Variants in STK32A observed in about 807,000 individuals in gnomAD.
STK32A encodes serine/threonine-protein kinase 32A.
A neutral mutation model predicts 53.2 loss-of-function variants in STK32A; 41 were observed. The ratio of observed to expected loss-of-function variants is 0.77; its 90% CI spans 0.60 to 1.00. The LOEUF (loss-of-function observed/expected upper bound fraction) is 1.00, where lower values mean the gene tolerates loss of function less well. Among genes scored for constraint, STK32A ranks in the 50% least tolerant of loss-of-function variants. STK32A has a pLI of 0.00. For synonymous variants in STK32A, 166 were observed against 162.8 expected (o/e 1.02, Z -0.15); for missense variants, 458 against 485.8 (o/e 0.94, Z 0.54).
intron 2 of STK32A, among the ~76,000 whole-genome samples, chr5:147,274,209 G>T (rs114936475): frequency 3.9e-5 from 6 of 152,180 alleles, no homozygotes. Context: ...AGACCTGTGC[G>T]AAGCAGGACT....
At chr5:147,367,614 G>C (rs762715442) in intron 8 of STK32A, among the ~76,000 whole-genome samples, 7 of 152,124 alleles carry the variant, frequency 4.6e-5, no homozygotes, top group Non-Finnish European at 1.0e-4. Context: ...GTGCTCAGCG[G>C]GGGACGTTTT....
chr5:147,363,759 T>C (rs1230441379), intron 8 of STK32A, among the ~76,000 whole-genome samples: 1 of 152,250 alleles, frequency 6.6e-6, no homozygotes, highest in East Asian at 1.9e-4. Flanking sequence ...TCTAGTGTGC[T>C]CTTCAGAACA....
chr5:147,365,138 C>A (rs532849516), intron 8 of STK32A, among the ~76,000 whole-genome samples: 1 of 152,208 alleles, frequency 6.6e-6, no homozygotes, highest in South Asian at 2.1e-4. Context: ...TGCCATCTCC[C>A]AAGTAATTAA....
intron 5 of STK32A, among the ~76,000 whole-genome samples, chr5:147,341,121 C>T (rs1755381618): frequency 6.6e-6 from 1 of 152,176 alleles, no homozygotes; most frequent in South Asian, 2.1e-4. Context: ...CTCATAAATT[C>T]AGGCCAAGAA....
intron 4 of STK32A, among the ~76,000 whole-genome samples, chr5:147,295,570 C>T (rs13170855): frequency 0.16 from 23,918 of 152,192 alleles, 2,373 homozygotes; most frequent in East Asian, 0.54. Context: ...ATTTGAGTTA[C>T]TTTCTATTTT....
At chr5:147,319,016 T>C (rs995077493) in intron 4 of STK32A, among the ~76,000 whole-genome samples, 1 of 152,122 alleles carries the variant, frequency 6.6e-6, no homozygotes, top group Non-Finnish European at 1.5e-5. Flanking sequence ...TCTAAACTTA[T>C]ACAGAGAGAA....
At chr5:147,361,438 C>T in intron 7 of STK32A, 79 bp from the exon 8 acceptor site, 2 of 952,148 alleles carry the variant, frequency 2.1e-6, no homozygotes, top group Non-Finnish European at 3.3e-6. Context: ...TGGTAATTCT[C>T]CTTTGGAGGA....
At chr5:147,289,942 T>C (rs1463851692) in intron 4 of STK32A, among the ~76,000 whole-genome samples, 2 of 152,170 alleles carry the variant, frequency 1.3e-5, no homozygotes, top group Non-Finnish European at 2.9e-5. Flanking sequence ...TGCACAGTTA[T>C]ATTTGAATTT....
chr5:147,270,490 A>G (rs4235727), intron 2 of STK32A, among the ~76,000 whole-genome samples: 89,367 of 151,912 alleles, frequency 0.59, 26,658 homozygotes, highest in African/African-American at 0.67. Context: ...CTAGAATTAC[A>G]GGTATGAACC....
At chr5:147,331,446 G>A (rs773741278) in intron 5 of STK32A, among the ~76,000 whole-genome samples, 6 of 152,146 alleles carry the variant, frequency 3.9e-5, no homozygotes, top group South Asian at 2.1e-4. Context: ...AGGTATAGAC[G>A]CTCTTACTTT....
intron 11 of STK32A, among the ~76,000 whole-genome samples, chr5:147,382,456 G>A (rs990955991): frequency 6.6e-6 from 1 of 151,424 alleles, no homozygotes; most frequent in Non-Finnish European, 1.5e-5. Context: ...TTTGGTTTAT[G>A]TTTTTTACTG....
rs1399871097 is a variant in STK32A at position 147,348,772 on chromosome 5, T to G, written c.473-2293T>G. 6 of 750,614 alleles carry G rather than the reference T, an allele frequency of 8.0e-6. No homozygotes were observed. In the Admixed American group the frequency reaches 9.2e-5, roughly 11 times the overall value. The allele number at this position is 750,614 out of a possible 1,614,324, so 46.5% of individuals were successfully genotyped here. A position where few individuals can be genotyped will look rare whatever the true frequency, so the allele number is the denominator to read the frequency against. ...CCCAGGCACATGTATTTTGCAAAACTACACTGAAGTTTCTGATAATGACGG... is the reference window on the plus strand; with the variant it reads ...CCCAGGCACATGTATTTTGCAAAACGACACTGAAGTTTCTGATAATGACGG... On this transcript the variant is annotated intron_variant, in intron 6 of 12. Coordinates refer to ENST00000397936, the MANE Select transcript of STK32A (RefSeq NM_001112724.2).
chr5:147,238,216 C>T (rs1580968778), intron 1 of STK32A, among the ~76,000 whole-genome samples: 2 of 152,246 alleles, frequency 1.3e-5, no homozygotes, highest in Admixed American at 6.5e-5. Flanking sequence ...GATCTGGGCT[C>T]ATGTTTCCAT....
At chr5:147,381,017 T>G (rs74598170) in intron 11 of STK32A, among the ~76,000 whole-genome samples, 2,128 of 152,330 alleles carry the variant, frequency 0.014, 44 homozygotes, top group African/African-American at 0.048. Context: ...TTTCTCCGTA[T>G]AGTTTCAAGT....
At chr5:147,308,312 G>T (rs1753522966) in intron 4 of STK32A, among the ~76,000 whole-genome samples, 2 of 151,998 alleles carry the variant, frequency 1.3e-5, no homozygotes, top group South Asian at 4.2e-4. Context: ...AAGATTACAA[G>T]TGGTATTATT....
At chr5:147,260,164 TCTCTCTCTCTCTCTCCTCTCTCTCTC>T (rs766426128) in intron 2 of STK32A, among the ~76,000 whole-genome samples, 2,168 of 62,424 alleles carry the variant, frequency 0.035, 96 homozygotes, top group African/African-American at 0.064. Flanking sequence ...CTCCTCTCTG[TCTCTCTCTCTCTCTCCTCTCTCTCTC>T]CTCTCTCTCT....
chr5:147,241,977 C>T (rs4705134), intron 2 of STK32A, among the ~76,000 whole-genome samples: 62,065 of 152,060 alleles, frequency 0.41, 12,810 homozygotes, highest in Admixed American at 0.45. Context: ...TTTGTTCTTG[C>T]GGGATGCCCA....
At chr5:147,252,921 A>C (rs11167968) in intron 2 of STK32A, among the ~76,000 whole-genome samples, 36,940 of 152,140 alleles carry the variant, frequency 0.24, 4,528 homozygotes, top group Admixed American at 0.3. Context: ...GATTAAGTGA[A>C]TGCATTAATG....
chr5:147,292,150 G>A (rs1752628267), intron 4 of STK32A, among the ~76,000 whole-genome samples: 1 of 152,106 alleles, frequency 6.6e-6, no homozygotes, highest in Non-Finnish European at 1.5e-5. Context: ...AACTTGTGAG[G>A]GTACCATGTA....
Sources: gnomAD v4.1 joint callset for allele counts (sites outside exome capture counted in the v4.1 genomes callset) on GRCh38, gnomAD v4.1.1 for gene constraint, MANE v1.5 for transcripts, NCBI Gene and HGNC (gene_info 2026-07-23, HGNC 2026-07-21) for gene names.